SMG1: variants seen among roughly 807,000 people sequenced by gnomAD.
The protein encoded by SMG1 is SMG1 nonsense mediated mRNA decay associated PI3K related kinase.
A neutral mutation model predicts 419.9 loss-of-function variants in SMG1; 22 were observed. The observed-to-expected ratio is 0.05, with a 90% CI of 0.04 to 0.07. SMG1 has a LOEUF of 0.07. Among genes scored for constraint, SMG1 ranks in the 10% least tolerant of loss-of-function variants. The pLI is 1.00. For missense variants in SMG1, 3,185 were observed against 4,342.0 expected (o/e 0.73, Z 7.49); for synonymous variants, 1,538 against 1,553.5 (o/e 0.99, Z 0.23).
Position 18,863,636 on chromosome 16 carries a change from A to G in SMG1, c.3695+14T>C. On this transcript the variant is annotated intron_variant, in intron 25 of 62. Transcript: ENST00000446231. ...TTGGAAATTTGTTTTATAACTGGAA[A>G]AAGTAAGCCTTACTTTATATAGTTG... 1 of 1,593,514 alleles carries G rather than the reference A, an allele frequency of 6.3e-7. No homozygotes were observed. Among genetic ancestry groups the G allele is most frequent in the Non-Finnish European group, 8.5e-7 (1 of 1,177,176 alleles).
At chr16:18,874,844 C>T (rs572318270) in intron 13 of SMG1, among the ~76,000 whole-genome samples, 2 of 123,500 alleles carry the variant, frequency 1.6e-5, no homozygotes, top group South Asian at 2.6e-4. Flanking sequence ...CCAGCCCAGG[C>T]GACAACAGCA....
At position 18,838,373 on chromosome 16, in the gene SMG1, C is replaced by T. The variant is rs1172561616; in HGVS notation, c.7178G>A (p.Arg2393Lys). 2.5e-6 allele frequency: 4 copies of T among 1,610,242 alleles called. No individual in the cohort carries two copies. The change falls in exon 44 of 63, where the codon AGG becomes AAG. Residue 2393 changes from arginine to lysine, a missense_variant. Coordinates refer to ENST00000446231, the MANE Select transcript of SMG1 (RefSeq NM_015092.5). ...ACAGCATACCTGCTCACATGAAAGC[C>T]TAAATACACCTTCTACTCCAGTTAC... ...LGVTGVEGVF[R>K]LSCEQVLHIM...
In SMG1 at chr16:18,833,030, T is replaced by G. The variant is rs1179526930; in HGVS notation, c.8702A>C (p.Gln2901Pro). The G allele has an allele frequency of 1.2e-6, 2 of 1,613,904 alleles. No individual in the cohort carries two copies. Among genetic ancestry groups the G allele is most frequent in the Non-Finnish European group, 1.7e-6 (2 of 1,179,902 alleles). ...GGCCTGAAGAGATTCCACTAGAGTC[T>G]GCAGGGGAACGCCATCGGTGGTCTG... ...IEQTTDGVPL[Q>P]TLVESLQAYL... The change falls in exon 51 of 63, where the codon CAG (glutamine) becomes CCG (proline). Residue 2901 changes from glutamine to proline, a missense_variant. Physicochemically the swap from Gln to Pro is moderately conservative, Grantham distance 76 (BLOSUM62 -1). Coordinates refer to ENST00000446231, the MANE Select transcript of SMG1 (RefSeq NM_015092.5).
chr16:18,866,708 G>A lies in SMG1; in HGVS notation c.3263C>T (p.Ala1088Val), dbSNP rs1439939001. ...TGACCAGACAGCAATTCCCTGTATA[G>A]CTTCAGGACAATGAAGTTCACATAA... ...EALCELHCPE[A>V]IQGIAVWSSS... Residue 1088 changes from alanine (A) to valine (V), a missense_variant, in exon 23 of 63, where the codon GCT (alanine) becomes GTT (valine). This residue lies in a region of SMG1 where 121 missense variants were observed against 125.4 expected (regional missense o/e 0.96). Transcript: ENST00000446231. 2.5e-6 allele frequency: 4 copies of A among 1,595,292 alleles called. No homozygotes were observed. The highest frequency in any genetic ancestry group is 3.4e-6 in the Non-Finnish European group (4 of 1,177,788).
rs376134725 is a variant in SMG1, at chr16:18,839,797, T to C, written c.6846A>G (p.Ala2282=). 40 of 1,613,996 alleles carry C rather than the reference T, an allele frequency of 2.5e-5. No individual in the cohort carries two copies. The African/African-American group carries it at 4.8e-4, about 19-fold the overall frequency. Residue 2282 remains alanine, a synonymous_variant, in exon 42 of 63, where the codon GCA becomes GCG. Coordinates refer to ENST00000446231, the MANE Select transcript of SMG1 (RefSeq NM_015092.5). ...RRDWPLHVMK[A]VLEELMEATP... is the part of the protein sequence containing the mutation. Reference sequence around the variant, plus strand: ...TGGCCTCCATTAACTCTTCCAATACTGCCTTCATTACATGAAGAGGCCAAT... The same window carrying C: ...TGGCCTCCATTAACTCTTCCAATACCGCCTTCATTACATGAAGAGGCCAAT...
At chr16:18,843,943 G>A (rs187660416) in intron 39 of SMG1, among the ~76,000 whole-genome samples, 3 of 151,738 alleles carry the variant, frequency 2.0e-5, no homozygotes, top group African/African-American at 7.3e-5. Flanking sequence ...AGAGACACAG[G>A]TATTCTTAAT....
intron 8 of SMG1, 88 bp from the exon 9 acceptor site, chr16:18,884,255 A>C (rs963086001): frequency 8.1e-6 from 5 of 614,258 alleles, no homozygotes; most frequent in African/African-American, 3.8e-5. Context: ...GGCTTGTTTT[A>C]AGAGGTATCT....
chr16:18,828,777 T>G (rs28535021), intron 54 of SMG1, among the ~76,000 whole-genome samples: 10,700 of 152,250 alleles, frequency 0.07, 380 homozygotes, highest in African/African-American at 0.095. Context: ...GGCGGGTGGA[T>G]CACCTAGGCT....
chr16:18,922,763 A>G (rs1174104499), intron 1 of SMG1, among the ~76,000 whole-genome samples: 1 of 151,996 alleles, frequency 6.6e-6, no homozygotes, highest in Non-Finnish European at 1.5e-5. Context: ...TACAGGTGTG[A>G]GCCACTGCCC....
chr16:18,858,970 A>G, intron 28 of SMG1, 52 bp downstream of exon 28: 1 of 1,023,704 alleles, frequency 9.8e-7, no homozygotes, highest in Non-Finnish European at 1.4e-6. Context: ...TCTTTGTTCT[A>G]CAGTAATGAC....
intron 1 of SMG1, among the ~76,000 whole-genome samples, chr16:18,919,647 T>A (rs2038110540): frequency 1.0e-5 from 1 of 96,644 alleles, no homozygotes; most frequent in Non-Finnish European, 2.0e-5. Flanking sequence ...TGTGTGTGTG[T>A]GTGTATATAT....
intron 60 of SMG1, 30 bp downstream of exon 60, chr16:18,815,145 A>G (rs1002163001): frequency 1.5e-6 from 2 of 1,378,886 alleles, no homozygotes; most frequent in Non-Finnish European, 2.0e-6. Context: ...AACATTAACA[A>G]CAGATCAAGA....
chr16:18,899,350 A>T (rs1289287785), intron 1 of SMG1, among the ~76,000 whole-genome samples: 1 of 152,150 alleles, frequency 6.6e-6, no homozygotes, highest in Admixed American at 6.6e-5. Context: ...TTCCCAAAAA[A>T]AATTTGTGTT....
At chr16:18,819,397 G>T in intron 56 of SMG1, 105 bp downstream of exon 56, 1 of 1,245,328 alleles carries the variant, frequency 8.0e-7, no homozygotes. Flanking sequence ...CTGTGAGCCA[G>T]AACGTGGGCT....
chr16:18,853,992 A>ACGC lies in SMG1; in HGVS notation c.4484-126_4484-125insGCG, dbSNP rs1370020908. The ACGC allele has an allele frequency of 1.1e-5, 8 of 732,474 alleles. No individual in the cohort carries two copies. In the African/African-American group the frequency reaches 1.6e-4, roughly 15 times the overall value. The allele number at this position is 732,474 out of a possible 1,614,324, so 45.4% of individuals were successfully genotyped here. The stretch of plus-strand genomic sequence containing the variant: ...ACCATGTTGATGGTTTCAAACTCCT[A>ACGC]TGCTCAAGCATAGGAGGCTCCTACT... On this transcript the variant is annotated intron_variant, in intron 30 of 62. Coordinates refer to ENST00000446231, the MANE Select transcript of SMG1 (RefSeq NM_015092.5).
intron 6 of SMG1, among the ~76,000 whole-genome samples, chr16:18,887,762 T>TAAAAAAA (rs57393561): frequency 2.6e-5 from 1 of 38,296 alleles, no homozygotes; most frequent in Non-Finnish European, 4.2e-5. Flanking sequence ...TCAAAAACAG[T>TAAAAAAA]AAAAAAAAAA....
In SMG1 at chr16:18,829,623, A is replaced by G. The variant is rs1302140314; in HGVS notation, c.9266T>C (p.Phe3089Ser). The G allele has an allele frequency of 6.2e-7, 1 of 1,613,870 alleles. No homozygotes were observed. The highest frequency in any genetic ancestry group is 1.3e-5 in the African/African-American group (1 of 74,926). ...TAGCCCTATCAAGAGCTGCCTCACA[A>G]AGTCAGCTGTGAATGCCTTGATAGG... ...AKPIKAFTAD[F>S]VRQLLIGLPN... The change falls in exon 54 of 63, where the codon TTT (phenylalanine) becomes TCT (serine). Residue 3089 changes from phenylalanine (F) to serine (S), a missense_variant. By Grantham distance (155) the Phe-to-Ser change is radical (BLOSUM62 -2). Around this residue, in one of 27 missense-constraint regions of SMG1, gnomAD observed 737 missense variants for 846.6 expected, o/e 0.87. Coordinates refer to ENST00000446231, the MANE Select transcript of SMG1 (RefSeq NM_015092.5).
At chr16:18,925,889 C>T in intron 1 of SMG1, 61 bp downstream of exon 1, 1 of 1,346,252 alleles carries the variant, frequency 7.4e-7, no homozygotes, top group Non-Finnish European at 1.0e-6. Context: ...CGGCCCTAGG[C>T]CTCGGCCCGC....
At chr16:18,867,700 CTT>C (rs778044384) in intron 22 of SMG1, among the ~76,000 whole-genome samples, 5,489 of 87,360 alleles carry the variant, frequency 0.063, 16 homozygotes, top group African/African-American at 0.12. Context: ...ATTTTAACTT[CTT>C]TTTTTTTTTT....
Sources: allele counts gnomAD v4.1 joint callset (sites outside exome capture counted in the v4.1 genomes callset), GRCh38; gene constraint gnomAD v4.1.1; regional missense constraint gnomAD v4.1.1; transcripts MANE v1.5; gene names NCBI Gene and HGNC (gene_info 2026-07-23, HGNC 2026-07-21).